Variants in COL26A1 observed in about 807,000 individuals in gnomAD.
COL26A1 encodes collagen alpha-1(XXVI) chain.
COL26A1 carries 41 observed loss-of-function variants against 59.3 expected under a neutral mutation model. The ratio of observed to expected loss-of-function variants is 0.69; its 90% CI spans 0.54 to 0.90. COL26A1 has a LOEUF of 0.90. Ranked by LOEUF, COL26A1 falls within the 40% of genes least tolerant of loss-of-function variation. COL26A1 has a pLI of 0.00. For missense variants in COL26A1, 612 were observed against 602.3 expected (o/e 1.02, Z -0.17); for synonymous variants, 266 against 256.0 (o/e 1.04, Z -0.37).
chr7:101,551,237 G>GTTTGGGGGGGGGT, intron 10 of COL26A1, 94 bp downstream of exon 10: 4 of 386,360 alleles, frequency 1.0e-5, no homozygotes, highest in Admixed American at 7.1e-5. Context: ...TGGTGGGGGG[G>GTTTGGGGGGGGGT]TTCAGCCCTG....
chr7:101,425,826 ATTTT>A (rs531266478), intron 2 of COL26A1, among the ~76,000 whole-genome samples: 1 of 131,430 alleles, frequency 7.6e-6, no homozygotes, highest in Non-Finnish European at 1.6e-5. Context: ...TCTTAGCATA[ATTTT>A]TTTTTTTTTT....
chr7:101,468,089 G>A (rs1270935853), intron 3 of COL26A1, among the ~76,000 whole-genome samples: 1 of 152,000 alleles, frequency 6.6e-6, no homozygotes, highest in African/African-American at 2.4e-5. Context: ...GATGGCTTGA[G>A]GTCAGGAGTT....
At chr7:101,446,644 C>G (rs1409273432) in intron 2 of COL26A1, among the ~76,000 whole-genome samples, 1 of 152,072 alleles carries the variant, frequency 6.6e-6, no homozygotes, top group Non-Finnish European at 1.5e-5. Context: ...GCCAGGAGTT[C>G]GAGAGCAGCC....
chr7:101,550,512 C>T (rs186219933), intron 9 of COL26A1, among the ~76,000 whole-genome samples: 22 of 152,178 alleles, frequency 1.4e-4, no homozygotes, highest in African/African-American at 4.8e-4. Context: ...AAAGTAGACT[C>T]GGCATGTCTG....
chr7:101,478,146 C>A (rs1413193424), intron 3 of COL26A1, among the ~76,000 whole-genome samples: 1 of 152,134 alleles, frequency 6.6e-6, no homozygotes, highest in Non-Finnish European at 1.5e-5. Context: ...CTACGCCCAC[C>A]TAATTTTTGT....
intron 1 of COL26A1, among the ~76,000 whole-genome samples, chr7:101,366,222 G>C (rs73173734): frequency 0.043 from 6,500 of 152,218 alleles, 164 homozygotes; most frequent in East Asian, 0.086. Context: ...GCCTGGGTGA[G>C]TTACAGGCTG....
At chr7:101,476,674 A>G (rs1199619060) in intron 3 of COL26A1, among the ~76,000 whole-genome samples, 1 of 151,084 alleles carries the variant, frequency 6.6e-6, no homozygotes, top group African/African-American at 2.4e-5. Flanking sequence ...CAGCCTCCCG[A>G]GTACCTGGGA....
intron 3 of COL26A1, among the ~76,000 whole-genome samples, chr7:101,511,092 A>G (rs545009032): frequency 2.6e-3 from 397 of 151,510 alleles, no homozygotes; most frequent in Middle Eastern, 0.01. Context: ...TAGTAGAGAC[A>G]GGGGTTTCAC....
chr7:101,477,145 C>G (rs921070995), intron 3 of COL26A1, among the ~76,000 whole-genome samples: 2 of 152,034 alleles, frequency 1.3e-5, no homozygotes, highest in African/African-American at 4.8e-5. Context: ...AGCCCGGCCT[C>G]TGGTTACTTT....
chr7:101,555,772 T>A lies in COL26A1; in HGVS notation c.1081-15T>A, dbSNP rs1562804720. On this transcript the variant is annotated splice_polypyrimidine_tract_variant and intron_variant, in intron 11 of 12. Coordinates refer to ENST00000313669, the MANE Select transcript of COL26A1 (RefSeq NM_001278563.3). The stretch of plus-strand genomic sequence containing the variant: ...TCATGGCCGGCCCTGACCCTGCCTG[T>A]TTCCTCCCCGCCAGGGCGAGGGGGT... The A allele has an allele frequency of 6.2e-7, 1 of 1,600,716 alleles. No homozygotes were observed. The highest frequency in any genetic ancestry group is 8.5e-7 in the Non-Finnish European group (1 of 1,174,588).
intron 3 of COL26A1, among the ~76,000 whole-genome samples, chr7:101,487,117 T>A (rs925498158): frequency 3.3e-5 from 5 of 152,068 alleles, no homozygotes; most frequent in African/African-American, 7.2e-5. Context: ...GGCACAGATA[T>A]TCTAGAAACC....
At chr7:101,422,339 G>A (rs1418111371) in intron 2 of COL26A1, among the ~76,000 whole-genome samples, 5 of 110,746 alleles carry the variant, frequency 4.5e-5, no homozygotes, top group Non-Finnish European at 7.2e-5. Flanking sequence ...GGTTTTAAAT[G>A]CTATACTAGA....
At chr7:101,553,101 T>C (rs1795894048) in intron 10 of COL26A1, 2 of 480,574 alleles carry the variant, frequency 4.2e-6, no homozygotes, top group East Asian at 3.5e-5. Context: ...CAGCCAACCC[T>C]GGACACTTCC....
chr7:101,415,158 T>C (rs867159104), intron 1 of COL26A1, among the ~76,000 whole-genome samples: 278 of 131,962 alleles, frequency 2.1e-3, no homozygotes, highest in African/African-American at 6.5e-3. Context: ...ACCCCCCCCC[T>C]TTTTTTTTTT....
intron 12 of COL26A1, among the ~76,000 whole-genome samples, chr7:101,557,028 G>T (rs1795994494): frequency 2.4e-5 from 2 of 82,468 alleles, no homozygotes; most frequent in Admixed American, 2.3e-4. Flanking sequence ...TGGATGGATG[G>T]ATGGATGGAT....
At chr7:101,543,899 C>T in intron 5 of COL26A1, 99 bp from the exon 6 acceptor site, 1 of 794,832 alleles carries the variant, frequency 1.3e-6, no homozygotes, top group South Asian at 1.9e-5. Context: ...GGCAGGGCTC[C>T]TGGGGGAACG....
intron 3 of COL26A1, among the ~76,000 whole-genome samples, chr7:101,503,445 G>A (rs542239843): frequency 8.5e-5 from 13 of 152,112 alleles, no homozygotes; most frequent in African/African-American, 2.9e-4. Context: ...TCAGTGGTGC[G>A]ATCATCACTC....
intron 12 of COL26A1, among the ~76,000 whole-genome samples, chr7:101,556,249 C>G (rs1236427815): frequency 6.6e-6 from 1 of 152,238 alleles, no homozygotes; most frequent in Non-Finnish European, 1.5e-5. Flanking sequence ...CTCTTTGTCC[C>G]TATGGTGACA....
At chr7:101,416,616 C>T (rs1792375151) in intron 1 of COL26A1, among the ~76,000 whole-genome samples, 1 of 143,950 alleles carries the variant, frequency 6.9e-6, no homozygotes, top group Non-Finnish European at 1.6e-5. Flanking sequence ...TTTCTTTTTG[C>T]AGTGGCTACT....
Sources: allele counts gnomAD v4.1 joint callset (sites outside exome capture counted in the v4.1 genomes callset), GRCh38; gene constraint gnomAD v4.1.1; transcripts MANE v1.5; gene names NCBI Gene and HGNC (gene_info 2026-07-23, HGNC 2026-07-21).